Variants in PRMT8 observed in about 807,000 individuals in gnomAD.
PRMT8 encodes protein arginine N-methyltransferase 8.
A neutral mutation model predicts 47.1 loss-of-function variants in PRMT8; 7 were observed. That is an observed-to-expected ratio of 0.15 (90% CI 0.08 to 0.28). PRMT8 has a LOEUF of 0.28. Among genes scored for constraint, PRMT8 ranks in the 10% least tolerant of loss-of-function variants. PRMT8 has a pLI of 1.00. For synonymous variants in PRMT8, 188 were observed against 186.5 expected, an observed-to-expected ratio of 1.01 and a Z score of -0.07; for missense variants, 237 against 505.4, an observed-to-expected ratio of 0.47 and a Z score of 5.09.
intron 1 of PRMT8, among the ~76,000 whole-genome samples, chr12:3,474,198 C>G (rs112459560): frequency 1.3e-5 from 2 of 152,180 alleles, no homozygotes; most frequent in Admixed American, 6.5e-5. Context: ...TCACATCACA[C>G]GGTGAGGGGC....
At chr12:3,399,717 T>A (rs1431945391) in intron 1 of PRMT8, among the ~76,000 whole-genome samples, 1 of 152,228 alleles carries the variant, frequency 6.6e-6, no homozygotes, top group Admixed American at 6.5e-5. Context: ...TGACGTAGGC[T>A]TATTATCTAC....
intron 1 of PRMT8, among the ~76,000 whole-genome samples, chr12:3,539,750 G>A (rs921388489): frequency 2.6e-5 from 4 of 152,216 alleles, no homozygotes; most frequent in Non-Finnish European, 5.9e-5. Context: ...AGCAGTGGGT[G>A]TAGAGCTGGG....
At chr12:3,516,914 C>T (rs1409171617) in intron 1 of PRMT8, among the ~76,000 whole-genome samples, 3 of 152,144 alleles carry the variant, frequency 2.0e-5, no homozygotes, top group East Asian at 3.9e-4. Context: ...GCCTGCCCAG[C>T]TACTTAGGTC....
chr12:3,484,492 C>T (rs531323557), intron 1 of PRMT8, among the ~76,000 whole-genome samples: 3 of 152,334 alleles, frequency 2.0e-5, no homozygotes, highest in Admixed American at 6.5e-5. Context: ...TGGTTAAATA[C>T]GGTCTTTTAG....
chr12:3,442,397 T>C (rs1054889857), intron 1 of PRMT8, among the ~76,000 whole-genome samples: 3 of 151,662 alleles, frequency 2.0e-5, no homozygotes, highest in Admixed American at 6.6e-5. Flanking sequence ...CCCAGAACTC[T>C]GTGTAGGGAG....
At chr12:3,458,875 G>GC (rs1865005704) in intron 1 of PRMT8, among the ~76,000 whole-genome samples, 1 of 152,198 alleles carries the variant, frequency 6.6e-6, no homozygotes, top group Admixed American at 6.5e-5. Flanking sequence ...GTTTTCCCAA[G>GC]CCCCCCACTT....
intron 1 of PRMT8, among the ~76,000 whole-genome samples, chr12:3,482,766 G>A (rs2878579): frequency 0.22 from 33,145 of 152,020 alleles, 3,859 homozygotes; most frequent in South Asian, 0.3. Context: ...TCAGCCATAC[G>A]CCACATGTCA....
intron 7 of PRMT8, 152 bp from the exon 8 acceptor site, chr12:3,582,906 G>A: frequency 2.4e-6 from 2 of 846,528 alleles, no homozygotes. Flanking sequence ...TGATTGGGAG[G>A]GCGGTGGGGA....
At chr12:3,577,858 C>T (rs1591612713) in intron 7 of PRMT8, among the ~76,000 whole-genome samples, 1 of 152,226 alleles carries the variant, frequency 6.6e-6, no homozygotes, top group African/African-American at 2.4e-5. Context: ...CTTTGCCACA[C>T]CAATCCCTAG....
At chr12:3,498,087 A>G (rs1433375041) in intron 1 of PRMT8, among the ~76,000 whole-genome samples, 1 of 152,234 alleles carries the variant, frequency 6.6e-6, no homozygotes, top group Non-Finnish European at 1.5e-5. Context: ...GGAATTGTGC[A>G]TAGTGAGAGC....
intron 8 of PRMT8, among the ~76,000 whole-genome samples, chr12:3,585,244 A>AGGG (rs1867144809): frequency 6.8e-6 from 1 of 147,914 alleles, no homozygotes; most frequent in South Asian, 2.2e-4. Flanking sequence ...GGGGGTGAGG[A>AGGG]GGTGAGTAGT....
At chr12:3,528,305 G>A (rs1865976234) in intron 1 of PRMT8, among the ~76,000 whole-genome samples, 2 of 152,120 alleles carry the variant, frequency 1.3e-5, no homozygotes, top group Non-Finnish European at 1.5e-5. Context: ...GCTATGTGAA[G>A]TTGTCCCACA....
intron 8 of PRMT8, among the ~76,000 whole-genome samples, chr12:3,587,270 C>G (rs992943357): frequency 1.5e-4 from 23 of 148,892 alleles, no homozygotes; most frequent in African/African-American, 5.2e-4. Context: ...TTACTATTAA[C>G]TAGAATGTAA....
intron 6 of PRMT8, among the ~76,000 whole-genome samples, chr12:3,573,484 A>T (rs1432687607): frequency 6.6e-6 from 1 of 152,160 alleles, no homozygotes; most frequent in African/African-American, 2.4e-5. Context: ...ATTTGGTTCT[A>T]TGACTTTTTT....
At chr12:3,545,819 C>T (rs536180897) in intron 2 of PRMT8, among the ~76,000 whole-genome samples, 3 of 152,104 alleles carry the variant, frequency 2.0e-5, no homozygotes, top group Non-Finnish European at 4.4e-5. Flanking sequence ...CAAAAAAAAT[C>T]GGTAAGAATG....
Position 3,456,176 on chromosome 12 carries a change from CA to C in PRMT8, c.48+74735del, listed in dbSNP as rs1237230218. 6.6e-6 allele frequency among the ~76,000 whole-genome samples: 1 copy of C among 152,200 alleles called. No individual in the cohort carries two copies. The highest frequency in any genetic ancestry group is 2.4e-5 in the African/African-American group (1 of 41,432). On this transcript the variant is annotated intron_variant, in intron 1 of 9. Coordinates refer to the PRMT8 transcript ENST00000452611. The surrounding 1 kb of genome is among the most constrained non-coding windows in gnomAD (Gnocchi z 4.2). The stretch of plus-strand genomic sequence containing the variant: ...TCACTTAAACCACATTTCCGATGAC[CA>C]CATCCAAGTACGCCAGCGCTGGCAC...
intron 1 of PRMT8, among the ~76,000 whole-genome samples, chr12:3,495,977 T>C (rs1467815279): frequency 1.3e-5 from 2 of 152,088 alleles, no homozygotes; most frequent in African/African-American, 4.8e-5. Context: ...TATGGAGTGC[T>C]CATCTGAATA....
intron 1 of PRMT8, among the ~76,000 whole-genome samples, chr12:3,529,231 G>C (rs1865990947): frequency 1.3e-5 from 2 of 152,344 alleles, no homozygotes; most frequent in South Asian, 4.1e-4. Context: ...CCTGTTCTCT[G>C]TATGGTAGGC....
chr12:3,446,695 C>T (rs534195307), intron 1 of PRMT8, among the ~76,000 whole-genome samples: 13 of 152,292 alleles, frequency 8.5e-5, no homozygotes, highest in Admixed American at 4.6e-4. Context: ...GGGCAAATGC[C>T]GGAGTGTCTT....
Sources: gnomAD v4.1 joint callset for allele counts (sites outside exome capture counted in the v4.1 genomes callset) on GRCh38, gnomAD v4.1.1 for gene constraint, Gnocchi (gnomAD v3.1) non-coding constraint, MANE v1.5 for transcripts, NCBI Gene and HGNC (gene_info 2026-07-23, HGNC 2026-07-21) for gene names.